Variants in TTN observed in about 807,000 individuals in gnomAD.
TTN encodes the protein connectin.
In TTN, 1,525 loss-of-function variants were observed where a neutral mutation model predicts 3,223.0. The observed-to-expected ratio is 0.47, with a 90% CI of 0.45 to 0.49. The LOEUF is 0.49. Ranked by LOEUF, TTN falls within the 20% of genes least tolerant of loss-of-function variation. TTN has a pLI of 0.00. For missense variants in TTN, 40,786 were observed against 43,424.0 expected (o/e 0.94, Z 5.40); for synonymous variants, 14,094 against 15,161.0 (o/e 0.93, Z 5.17).
At chr2:178,685,351 T>C in intron 128 of TTN, 21 bp from the exon 129 acceptor site, 1 of 1,539,818 alleles carries the variant, frequency 6.5e-7, no homozygotes, top group Non-Finnish European at 8.8e-7. Flanking sequence ...TTATAAAATA[T>C]GTTTGTAGAA....
chr2:178,770,396 T>C lies in TTN; in HGVS notation c.8380+16A>G. ...CATGGGCTGACTGCTTGAAAAGTGT[T>C]TCTAAATCAACTTACTCTCCACGTG... is the stretch of plus-strand genomic sequence containing the variant. On this transcript the variant is annotated intron_variant, in intron 35 of 362. Transcript: ENST00000589042. 1 of 1,614,148 alleles carries C rather than the reference T, an allele frequency of 6.2e-7. No individual in the cohort carries two copies. The highest frequency in any genetic ancestry group is 8.5e-7 in the Non-Finnish European group (1 of 1,180,020).
chr2:178,536,503 G>A lies in TTN; in HGVS notation c.100244C>T (p.Pro33415Leu), dbSNP rs72648282. 1.3e-6 allele frequency: 2 copies of A among 1,560,518 alleles called. No individual in the cohort carries two copies. The highest frequency in any genetic ancestry group is 1.7e-6 in the Non-Finnish European group (2 of 1,154,222). ...CTTTGCACCTCCATCACTGGCAGGT[G>A]GCTTCCAGGCCACAACACAAGAATC... ...TKDSCVVAWK[P>L]PASDGGAKIR... is the part of the protein sequence containing the mutation. Residue 33415 changes from proline to leucine, a missense_variant, in exon 357 of 363, where the codon CCA becomes CTA. By Grantham distance (98) the Pro-to-Leu change is moderately conservative (BLOSUM62 -3). Coordinates refer to ENST00000589042, the MANE Select transcript of TTN (RefSeq NM_001267550.2).
intron 47 of TTN, chr2:178,747,716 G>T (rs1166619649): frequency 2.5e-6 from 4 of 1,611,966 alleles, no homozygotes; most frequent in Non-Finnish European, 3.4e-6. Flanking sequence ...TGCCTCAGTG[G>T]TATGTGCCTC....
Position 178,741,297 on chromosome 2 carries a change from CA to C in TTN, c.11935del (p.Cys3979AlafsTer57). On this transcript the variant is annotated frameshift_variant, in exon 48 of 363. Coordinates refer to ENST00000589042, the MANE Select transcript of TTN (RefSeq NM_001267550.2). LOFTEE classifies it high-confidence loss of function. ...VTWFKENKQL[C>X]TSVYYTIIHN... ...AATGATAGTGTAATAAACACTGGTGCAAAGCTGCTTGTTTTCTTTGAACCAT... is the reference window on the plus strand; with the variant it reads ...AATGATAGTGTAATAAACACTGGTGCAAGCTGCTTGTTTTCTTTGAACCAT... The C allele has an allele frequency of 6.2e-7, 1 of 1,613,848 alleles. No homozygotes were observed. The highest frequency in any genetic ancestry group is 8.5e-7 in the Non-Finnish European group (1 of 1,179,824).
At position 178,564,896 on chromosome 2, in the gene TTN, G is replaced by A. The variant is rs747977338; in HGVS notation, c.81236C>T (p.Pro27079Leu). Residue 27079 changes from proline to leucine, a missense_variant, in exon 326 of 363, where the codon CCT becomes CTT. Coordinates refer to ENST00000589042, the MANE Select transcript of TTN (RefSeq NM_001267550.2). ...ATCTTTTGAGATTGATGTCACAAAA[G>A]GAGTTCCAGGTGGTCCAGGTTCTTT... ...PFKEPGPPGT[P>L]FVTSISKDQM... is the part of the protein sequence containing the mutation. The A allele has an allele frequency of 6.2e-7, 1 of 1,612,548 alleles. No individual in the cohort carries two copies. Among genetic ancestry groups the A allele is most frequent in the Non-Finnish European group, 8.5e-7 (1 of 1,179,412 alleles).
In TTN at chr2:178,537,651, T is replaced by C. The variant is rs1198186808; in HGVS notation, c.99556A>G (p.Ser33186Gly). 1 of 1,613,694 alleles carries C rather than the reference T, an allele frequency of 6.2e-7. No individual in the cohort carries two copies. The highest frequency in any genetic ancestry group is 8.5e-7 in the Non-Finnish European group (1 of 1,179,782). The change falls in exon 355 of 363, where the codon AGT (serine) becomes GGT (glycine). Residue 33186 changes from serine (S) to glycine (G), a missense_variant. Coordinates refer to ENST00000589042, the MANE Select transcript of TTN (RefSeq NM_001267550.2). ...TNEVGEVETS[S>G]KLLLQATPQF... is the part of the protein sequence containing the mutation. ...GGTGTTGCTTGCAGGAGAAGCTTACTACTGGTTTCTACTTCTCCAACCTCA... is the reference window on the plus strand; with the variant it reads ...GGTGTTGCTTGCAGGAGAAGCTTACCACTGGTTTCTACTTCTCCAACCTCA...
rs569860898 is a variant in TTN at position 178,717,665 on chromosome 2, A to G, written c.25209T>C (p.Asp8403=). 188 of 1,613,474 alleles carry G rather than the reference A, an allele frequency of 1.2e-4. No homozygotes were observed. The East Asian group carries it at 3.5e-3, about 30-fold the overall frequency. The change falls in exon 87 of 363, where the codon GAT becomes GAC. Residue 8403 remains aspartate (D), a synonymous_variant. Transcript: ENST00000589042. The part of the protein sequence containing the change: ...WYKDGVLLKD[D]ANLQTSFVHN... ...GAACAAAAGATGTCTGCAAATTAGC[A>G]TCATCTTTCAAAAGAACCCCATCCT...
rs552053581 is a variant in TTN at position 178,620,831 on chromosome 2, A to G, written c.45779T>C (p.Leu15260Pro). 389 of 1,612,496 alleles carry G rather than the reference A, an allele frequency of 2.4e-4. 2 individuals carry two copies. In the South Asian group the frequency reaches 3.9e-3, roughly 16 times the overall value. Residue 15260 changes from leucine (L) to proline (P), a missense_variant, in exon 247 of 363, where the codon CTA (leucine) becomes CCA (proline). Leu to Pro is a moderately conservative substitution (Grantham distance 98). Coordinates refer to ENST00000589042, the MANE Select transcript of TTN (RefSeq NM_001267550.2). The part of the protein sequence containing the change: ...SSKYIILQKD[L>P]VYTLRIRDAH... ...ATCTCTAATTCTGAGGGTGTAGACT[A>G]GGTCTTTTTGGAGAATGATGTATTT...
chr2:178,804,798 C>G, intron 1 of TTN, 143 bp from the exon 2 acceptor site: 2 of 730,726 alleles, frequency 2.7e-6, no homozygotes, highest in Non-Finnish European at 4.6e-6. Flanking sequence ...CAGGTCTTCT[C>G]TTTTGTGGCT....
intron 221 of TTN, 84 bp from the exon 222 acceptor site, chr2:178,640,194 A>G: frequency 8.2e-7 from 1 of 1,214,266 alleles, no homozygotes; most frequent in Non-Finnish European, 1.2e-6. Context: ...AAGCCCACGT[A>G]TCTTGGAAGA....
Position 178,665,806 on chromosome 2 carries a change from A to G in TTN, c.35876-15T>C. ...TGATTCAGGCACTTTAAAGATATGA[A>G]TGCATTGTACTTTGGAGTTATGAAG... On this transcript the variant is annotated splice_polypyrimidine_tract_variant and intron_variant, in intron 163 of 362. Coordinates refer to ENST00000589042, the MANE Select transcript of TTN (RefSeq NM_001267550.2). 1 of 1,248,424 alleles carries G rather than the reference A, an allele frequency of 8.0e-7. No homozygotes were observed. Among genetic ancestry groups the G allele is most frequent in the Non-Finnish European group, 1.0e-6 (1 of 987,908 alleles). The allele number at this position is 1,248,424 out of a possible 1,614,324, so 77.3% of individuals were successfully genotyped here.
Position 178,576,123 on chromosome 2 carries a change from C to T in TTN, c.70009G>A (p.Glu23337Lys). The change falls in exon 326 of 363, where the codon GAA becomes AAA. Residue 23337 changes from glutamate (E) to lysine (K), a missense_variant. Transcript: ENST00000589042. The surrounding 1 kb of genome is among the most constrained non-coding windows in gnomAD (Gnocchi z 4.3). ...PAVIPDVEIV[E>K]REMAPDFELD... The stretch of plus-strand genomic sequence containing the variant: ...TCAAAATCAGGAGCCATCTCCCGTT[C>T]TACGATTTCAACATCTGGAATCACC... 1 of 1,613,446 alleles carries T rather than the reference C, an allele frequency of 6.2e-7. No homozygotes were observed. Among genetic ancestry groups the T allele is most frequent in the East Asian group, 2.2e-5 (1 of 44,770 alleles).
At chr2:178,724,722 A>C in intron 71 of TTN, 184 bp from the exon 72 acceptor site, 1 of 583,020 alleles carries the variant, frequency 1.7e-6, no homozygotes, top group Non-Finnish European at 2.5e-6. Flanking sequence ...TTATTTTAAT[A>C]TTTTTTCTTT....
chr2:178,746,001 A>G, intron 47 of TTN: 1 of 1,613,128 alleles, frequency 6.2e-7, no homozygotes, highest in Non-Finnish European at 8.5e-7. Context: ...ATGGTGAGGA[A>G]TCCCCGACAG....
rs61216469 is a variant in TTN, at chr2:178,637,146, G to GATATATATATATATAT, written c.40927+207_40927+222dup. On this transcript the variant is annotated intron_variant, in intron 224 of 362. Coordinates refer to ENST00000589042, the MANE Select transcript of TTN (RefSeq NM_001267550.2). ...GATTCACTATGCTAAAATATAGTTG[G>GATATATATATATATAT]ATATATATATATATATATATATATA... 1.3e-3 allele frequency among the ~76,000 whole-genome samples: 66 copies of GATATATATATATATAT among 49,180 alleles called. 11 individuals are homozygous for GATATATATATATATAT. The highest frequency in any genetic ancestry group is 2.0e-3 in the Non-Finnish European group (46 of 22,746). The allele number at this position is 49,180 out of a possible 152,430, so 32.3% of individuals were successfully genotyped here.
intron 100 of TTN, 73 bp downstream of exon 100, chr2:178,707,453 G>A: frequency 6.9e-7 from 1 of 1,455,328 alleles, no homozygotes. Flanking sequence ...CCATTTCTAG[G>A]GAAATCATAA....
At chr2:178,756,036 G>A (rs1254696741) in intron 46 of TTN, among the ~76,000 whole-genome samples, 186 bp downstream of exon 46, 2 of 152,130 alleles carry the variant, frequency 1.3e-5, no homozygotes, top group African/African-American at 4.8e-5. Context: ...AATCTAGACT[G>A]GTAAGTTAAA....
In TTN at chr2:178,799,498, T is replaced by C. The variant is rs2093944121; in HGVS notation, c.903A>G (p.Pro301=). The change falls in exon 6 of 363, where the codon CCA becomes CCG. Residue 301 remains proline, a synonymous_variant. Coordinates refer to ENST00000589042, the MANE Select transcript of TTN (RefSeq NM_001267550.2). ...SPVRHVRAPT[P]SPVRSVSPAA... ...TATGGCAGCTTTACCTGACCGGAGA[T>C]GGGGTCGGTGCCCGCACGTGTCTGA... is the stretch of plus-strand genomic sequence containing the variant. 2 of 1,614,106 alleles carry C rather than the reference T, an allele frequency of 1.2e-6. No individual in the cohort carries two copies. The highest frequency in any genetic ancestry group is 2.2e-5 in the East Asian group (1 of 44,862).
intron 264 of TTN, 43 bp downstream of exon 264, chr2:178,613,118 C>A (rs777646445): frequency 6.2e-7 from 1 of 1,609,724 alleles, no homozygotes. Context: ...AAAAGGAGTT[C>A]ATATGAACTT....
Sources: gnomAD v4.1 joint callset for allele counts (sites outside exome capture counted in the v4.1 genomes callset) on GRCh38, gnomAD v4.1.1 for gene constraint, Gnocchi (gnomAD v3.1) non-coding constraint, MANE v1.5 for transcripts, NCBI Gene and HGNC (gene_info 2026-07-23, HGNC 2026-07-21) for gene names.